The following UNC5C variants were observed in gnomAD, a reference collection of about 807,000 sequenced individuals.
UNC5C encodes the protein unc-5 netrin receptor C.
UNC5C carries 47 observed loss-of-function variants against 99.8 expected under a neutral mutation model. The observed-to-expected ratio is 0.47, with a 90% CI of 0.37 to 0.60. The LOEUF (loss-of-function observed/expected upper bound fraction) is 0.60, where lower values mean the gene tolerates loss of function less well. Among genes scored for constraint, UNC5C ranks in the 20% least tolerant of loss-of-function variants. UNC5C has a pLI of 0.00. For synonymous variants in UNC5C, 487 were observed against 452.2 expected (o/e 1.08, Z -0.98); for missense variants, 1,062 against 1,165.9 (o/e 0.91, Z 1.30).
At chr4:95,214,468 G>T (rs1196334567) in intron 10 of UNC5C, among the ~76,000 whole-genome samples, 2 of 152,236 alleles carry the variant, frequency 1.3e-5, no homozygotes, top group Non-Finnish European at 2.9e-5. Context: ...GCAGAAAAGT[G>T]TCTAGCTTTA....
At chr4:95,526,309 G>A (rs775004628) in intron 1 of UNC5C, among the ~76,000 whole-genome samples, 8 of 151,930 alleles carry the variant, frequency 5.3e-5, no homozygotes, top group Non-Finnish European at 8.8e-5. Flanking sequence ...CCCAATTTAG[G>A]CAATAAATTA....
chr4:95,542,995 C>T (rs923890129), intron 1 of UNC5C, among the ~76,000 whole-genome samples: 9 of 151,962 alleles, frequency 5.9e-5, no homozygotes, highest in African/African-American at 1.7e-4. Flanking sequence ...GTTTGAATAT[C>T]GCTCAAGGCA....
chr4:95,183,971 T>TTAAC (rs1292242495), intron 13 of UNC5C, among the ~76,000 whole-genome samples: 1 of 152,202 alleles, frequency 6.6e-6, no homozygotes, highest in African/African-American at 2.4e-5. Context: ...AGGCTTAGCT[T>TTAAC]TAACTAATAT....
intron 14 of UNC5C, among the ~76,000 whole-genome samples, chr4:95,172,550 A>G (rs1354800672): frequency 6.6e-6 from 1 of 151,894 alleles, no homozygotes; most frequent in Admixed American, 6.6e-5. Flanking sequence ...AGATAGTTGT[A>G]GATATGCGGC....
intron 1 of UNC5C, among the ~76,000 whole-genome samples, chr4:95,376,442 T>C: frequency 6.6e-6 from 1 of 152,124 alleles, no homozygotes; most frequent in East Asian, 1.9e-4. Context: ...ATAAATGCTA[T>C]GCTGATTTAT....
chr4:95,197,954 C>T (rs1439737155), intron 12 of UNC5C, among the ~76,000 whole-genome samples: 1 of 146,814 alleles, frequency 6.8e-6, no homozygotes, highest in Non-Finnish European at 1.5e-5. Flanking sequence ...GACTGGGAAA[C>T]TGCAGCAGGT....
At chr4:95,217,265 T>C (rs1354359410) in intron 9 of UNC5C, among the ~76,000 whole-genome samples, 2 of 152,178 alleles carry the variant, frequency 1.3e-5, no homozygotes, top group Non-Finnish European at 2.9e-5. Flanking sequence ...CTGACCACAC[T>C]GGAAAGTCTC....
chr4:95,443,383 G>A (rs764642192), intron 1 of UNC5C, among the ~76,000 whole-genome samples: 5 of 152,014 alleles, frequency 3.3e-5, no homozygotes, highest in Non-Finnish European at 5.9e-5. Context: ...ACCTATTTTT[G>A]CTACTCACAG....
At position 95,309,919 on chromosome 4, in the gene UNC5C, A is replaced by C. The variant is rs1742217479; in HGVS notation, c.347-8170T>G. Among the ~76,000 whole-genome samples the C allele has an allele frequency of 2.6e-5, 4 of 152,200 alleles. No individual in the cohort carries two copies. The South Asian group carries it at 8.3e-4, about 31-fold the overall frequency. The stretch of plus-strand genomic sequence containing the variant: ...AAATAAAACTACCATATGATCCAGC[A>C]GTTCCACTAATAGGTGTATACCCAA... On this transcript the variant is annotated intron_variant, in intron 2 of 15. Coordinates refer to ENST00000453304, the MANE Select transcript of UNC5C (RefSeq NM_003728.4).
intron 4 of UNC5C, among the ~76,000 whole-genome samples, chr4:95,277,521 C>A (rs925302173): frequency 6.6e-6 from 1 of 152,160 alleles, no homozygotes; most frequent in African/African-American, 2.4e-5. Flanking sequence ...ATTAGTTTTC[C>A]TCAACAGTGT....
intron 7 of UNC5C, among the ~76,000 whole-genome samples, chr4:95,239,278 G>A (rs1445990450): frequency 6.6e-6 from 1 of 152,188 alleles, no homozygotes; most frequent in Non-Finnish European, 1.5e-5. Flanking sequence ...CCATACCAGA[G>A]CTAGGGTGAG....
At chr4:95,520,987 T>C (rs993263792) in intron 1 of UNC5C, among the ~76,000 whole-genome samples, 1 of 152,002 alleles carries the variant, frequency 6.6e-6, no homozygotes, top group African/African-American at 2.4e-5. Flanking sequence ...TTAGTACCCC[T>C]CCAAGAAACA....
intron 1 of UNC5C, among the ~76,000 whole-genome samples, chr4:95,425,649 CACTT>C (rs1339234799): frequency 6.6e-6 from 1 of 152,206 alleles, no homozygotes; most frequent in Non-Finnish European, 1.5e-5. Flanking sequence ...ATAATTGACT[CACTT>C]GTTTTTTTAT....
intron 1 of UNC5C, among the ~76,000 whole-genome samples, chr4:95,401,704 C>T (rs1468423335): frequency 6.6e-6 from 1 of 152,172 alleles, no homozygotes. Flanking sequence ...GAAGCTGAGT[C>T]AGAGCCCCTA....
chr4:95,264,897 T>C (rs1740382190), intron 4 of UNC5C, among the ~76,000 whole-genome samples: 1 of 152,202 alleles, frequency 6.6e-6, no homozygotes, highest in African/African-American at 2.4e-5. Flanking sequence ...CCTCTTTCAC[T>C]GGTCCTTTTA....
intron 1 of UNC5C, among the ~76,000 whole-genome samples, chr4:95,547,768 C>T (rs777580840): frequency 6.6e-6 from 1 of 152,192 alleles, no homozygotes; most frequent in Admixed American, 6.5e-5. Flanking sequence ...TCAGCTTTCC[C>T]GGCTTTGAAG....
chr4:95,453,456 G>C (rs113101710), intron 1 of UNC5C, among the ~76,000 whole-genome samples: 25 of 150,158 alleles, frequency 1.7e-4, no homozygotes, highest in African/African-American at 6.1e-4. Flanking sequence ...TCAGACATCG[G>C]GAGGAAAAGA....
chr4:95,219,619 G>A (rs1456102499), intron 8 of UNC5C, among the ~76,000 whole-genome samples: 1 of 152,112 alleles, frequency 6.6e-6, no homozygotes, highest in Non-Finnish European at 1.5e-5. Context: ...GATTAGCTAT[G>A]GTTTCCCTGG....
chr4:95,323,125 A>G (rs1742754391), intron 2 of UNC5C, among the ~76,000 whole-genome samples: 1 of 152,128 alleles, frequency 6.6e-6, no homozygotes, highest in Non-Finnish European at 1.5e-5. Flanking sequence ...ACTGCATTTG[A>G]GATACTTCTT....
Sources: gnomAD v4.1 joint callset for allele counts (sites outside exome capture counted in the v4.1 genomes callset) on GRCh38, gnomAD v4.1.1 for gene constraint, MANE v1.5 for transcripts, NCBI Gene and HGNC (gene_info 2026-07-23, HGNC 2026-07-21) for gene names.